Variants in UGGT1 observed in about 807,000 individuals in gnomAD.
UGGT1 encodes the protein UDP-glucose glycoprotein glucosyltransferase 1.
A neutral mutation model predicts 203.9 loss-of-function variants in UGGT1; 107 were observed. That is an observed-to-expected ratio of 0.52 (90% confidence interval 0.45 to 0.62). The LOEUF (loss-of-function observed/expected upper bound fraction) is 0.62. Ranked by LOEUF, UGGT1 falls within the 20% of genes least tolerant of loss-of-function variation. The probability of loss-of-function intolerance (pLI) is 0.00; values close to 1 mark genes in which losing one functional copy is unlikely to be tolerated. For missense variants in UGGT1, 1,673 were observed against 1,867.2 expected, an observed-to-expected ratio of 0.90 and a Z score of 1.92; for synonymous variants, 628 against 653.5, an observed-to-expected ratio of 0.96 and a Z score of 0.59.
At chr2:128,151,466 T>G (rs1369929464) in intron 18 of UGGT1, among the ~76,000 whole-genome samples, 3 of 152,180 alleles carry the variant, frequency 2.0e-5, no homozygotes, top group Non-Finnish European at 4.4e-5. Flanking sequence ...GTTGTATACA[T>G]GGGCCAACAT....
chr2:128,125,942 C>CTT (rs34988352), intron 11 of UGGT1, among the ~76,000 whole-genome samples: 4 of 131,860 alleles, frequency 3.0e-5, no homozygotes, highest in Non-Finnish European at 6.5e-5. Context: ...TAAATATATA[C>CTT]TTTTTTTTTT....
chr2:128,120,254 G>C (rs1427003522), intron 8 of UGGT1, 102 bp from the exon 9 acceptor site: 1 of 1,037,122 alleles, frequency 9.6e-7, no homozygotes, highest in Non-Finnish European at 1.4e-6. Flanking sequence ...AAATTTCCTA[G>C]GGTTGGGAGA....
chr2:128,178,658 C>A, intron 34 of UGGT1, 89 bp downstream of exon 34: 2 of 1,109,162 alleles, frequency 1.8e-6, no homozygotes, highest in South Asian at 1.5e-5. Context: ...GGATTCTGCT[C>A]ATTATACTCC....
Position 128,113,069 on chromosome 2 carries a change from ATTAT to A in UGGT1, c.522-8_522-5del. ...ATTATTTTTAAAGTTTTGAGCTTTTATTATTTATTTTCAGACCCAAACCTTTATT... is the reference window on the plus strand; with the variant it reads ...ATTATTTTTAAAGTTTTGAGCTTTTATTATTTTCAGACCCAAACCTTTATT... On this transcript the variant is annotated splice_polypyrimidine_tract_variant and intron_variant, in intron 5 of 40. Transcript: ENST00000259253. 1 of 1,455,770 alleles carries A rather than the reference ATTAT, an allele frequency of 6.9e-7. No individual in the cohort carries two copies. Among genetic ancestry groups the A allele is most frequent in the Non-Finnish European group, 9.1e-7 (1 of 1,095,802 alleles). The allele number at this position is 1,455,770 out of a possible 1,614,324, so 90.2% of individuals were successfully genotyped here.
intron 40 of UGGT1, among the ~76,000 whole-genome samples, chr2:128,189,216 C>T (rs562777116): frequency 7.9e-5 from 12 of 152,252 alleles, no homozygotes; most frequent in Admixed American, 7.2e-4. Context: ...CCATTAGAAG[C>T]CCGTAAGGCG....
chr2:128,179,077 G>T (rs1208171410), intron 34 of UGGT1, among the ~76,000 whole-genome samples: 2 of 152,124 alleles, frequency 1.3e-5, no homozygotes, highest in East Asian at 3.9e-4. Flanking sequence ...AGGGCTGCCT[G>T]ATGTAGTGGT....
chr2:128,171,151 T>A, intron 27 of UGGT1, 54 bp from the exon 28 acceptor site: 1 of 1,525,716 alleles, frequency 6.6e-7, no homozygotes, highest in Non-Finnish European at 9.0e-7. Flanking sequence ...TGTCAAATAA[T>A]AAATTTCTGA....
In UGGT1 at chr2:128,120,580, A is replaced by C. The variant is rs1420110320; in HGVS notation, c.973+124A>C. On this transcript the variant is annotated intron_variant, in intron 9 of 40. Coordinates refer to ENST00000259253, the MANE Select transcript of UGGT1 (RefSeq NM_020120.4). ...TCTGAAGGTGCCTCAGATTTTAAAG[A>C]TAAGAGTGATTAATTACGATTAATC... 3 of 731,734 alleles carry C rather than the reference A, an allele frequency of 4.1e-6. 1 individual carries two copies. The highest frequency in any genetic ancestry group is 7.0e-6 in the Non-Finnish European group (3 of 427,506). The allele number at this position is 731,734 out of a possible 1,614,324, so 45.3% of individuals were successfully genotyped here. A position where few individuals can be genotyped will look rare whatever the true frequency, so the allele number is the denominator to read the frequency against.
At chr2:128,156,306 A>G in intron 20 of UGGT1, 86 bp from the exon 21 acceptor site, 2 of 1,029,846 alleles carry the variant, frequency 1.9e-6, no homozygotes, top group South Asian at 1.3e-5. Context: ...CGTGTTAGCC[A>G]TTGTTTAGAC....
chr2:128,140,873 A>AGAT lies in UGGT1; in HGVS notation c.1719+2026_1719+2028dup, dbSNP rs1689385846. Among the ~76,000 whole-genome samples the AGAT allele has an allele frequency of 8.5e-5, 13 of 152,144 alleles. 1 individual carries two copies. The South Asian group carries it at 2.7e-3, about 32-fold the overall frequency. ...TGTTGTTGTTTTTAATTTTTGGTAG[A>AGAT]GATGATGTCTCACTATGTTTCCCAG... On this transcript the variant is annotated intron_variant, in intron 16 of 40. Transcript: ENST00000259253.
chr2:128,134,425 G>A (rs1013317889), intron 14 of UGGT1, among the ~76,000 whole-genome samples: 3 of 152,182 alleles, frequency 2.0e-5, no homozygotes, highest in African/African-American at 7.2e-5. Context: ...TTTATTAAGC[G>A]AGAGAATACG....
chr2:128,149,956 C>G lies in UGGT1; in HGVS notation c.2017-2828C>G, dbSNP rs1276318790. On this transcript the variant is annotated intron_variant, in intron 18 of 40. Transcript: ENST00000259253. Reference sequence around the variant, plus strand: ...CAGCCTGGGCGACAAGAGTGAAACTCTGTCTCAAAAAATATATAAGTAAAA... The same window carrying G: ...CAGCCTGGGCGACAAGAGTGAAACTGTGTCTCAAAAAATATATAAGTAAAA... Among the ~76,000 whole-genome samples, 4 of 152,270 alleles carry G rather than the reference C, an allele frequency of 2.6e-5. No homozygotes were observed. In the South Asian group the frequency reaches 8.3e-4, roughly 32 times the overall value.
chr2:128,117,097 TTA>T (rs1491518900), intron 8 of UGGT1, among the ~76,000 whole-genome samples: 2 of 152,112 alleles, frequency 1.3e-5, no homozygotes, highest in African/African-American at 4.8e-5. Flanking sequence ...ATTTATTTAT[TTA>T]TTTTTTTTGA....
intron 26 of UGGT1, among the ~76,000 whole-genome samples, chr2:128,168,901 G>C (rs1690935137): frequency 6.6e-6 from 1 of 151,926 alleles, no homozygotes; most frequent in South Asian, 2.1e-4. Context: ...ACACAAATTA[G>C]CTGGGCATGG....
chr2:128,131,233 C>CAAA (rs59665322), intron 13 of UGGT1, among the ~76,000 whole-genome samples: 6 of 78,552 alleles, frequency 7.6e-5, no homozygotes, highest in African/African-American at 2.6e-4. Flanking sequence ...ACTCTTGTCT[C>CAAA]AAAAAAAAAA....
chr2:128,180,113 AGT>A (rs1443445134), intron 35 of UGGT1, among the ~76,000 whole-genome samples: 6 of 152,328 alleles, frequency 3.9e-5, no homozygotes, highest in Non-Finnish European at 7.3e-5. Context: ...TATTATTAGC[AGT>A]GTCTTACTGA....
Position 128,170,274 on chromosome 2 carries a change from T to A in UGGT1, c.2922-14T>A, listed in dbSNP as rs780520189. 10 of 1,612,942 alleles carry A rather than the reference T, an allele frequency of 6.2e-6. No individual in the cohort carries two copies. The South Asian group carries it at 1.1e-4, about 18-fold the overall frequency. Reference sequence around the variant, plus strand: ...TGTCCTCCAGGTTAATGTTTTATCCTTGTGATCTTTCAGTGCAATCAAACT... The same window carrying A: ...TGTCCTCCAGGTTAATGTTTTATCCATGTGATCTTTCAGTGCAATCAAACT... On this transcript the variant is annotated splice_polypyrimidine_tract_variant and intron_variant, in intron 26 of 40. Coordinates refer to ENST00000259253, the MANE Select transcript of UGGT1 (RefSeq NM_020120.4).
At chr2:128,179,724 C>T (rs376211054) in intron 34 of UGGT1, 62 bp from the exon 35 acceptor site, 6 of 1,409,218 alleles carry the variant, frequency 4.3e-6, no homozygotes, top group African/African-American at 1.4e-5. Flanking sequence ...ATTGACTCTA[C>T]ATAATGTTGA....
intron 31 of UGGT1, among the ~76,000 whole-genome samples, 170 bp downstream of exon 31, chr2:128,175,028 A>G (rs1691302822): frequency 6.6e-6 from 1 of 152,256 alleles, no homozygotes; most frequent in South Asian, 2.1e-4. Context: ...TTGTTAGAAT[A>G]GAATTAGATA....
Sources: allele counts gnomAD v4.1 joint callset (sites outside exome capture counted in the v4.1 genomes callset), GRCh38; gene constraint gnomAD v4.1.1; transcripts MANE v1.5; gene names NCBI Gene and HGNC (gene_info 2026-07-23, HGNC 2026-07-21).